The following INPP5A variants were observed in gnomAD, a reference collection of about 807,000 sequenced individuals.
INPP5A encodes 43 kDa inositol polyphosphate 5-phophatase.
In INPP5A, 14 loss-of-function variants were observed where a neutral mutation model predicts 65.2. The ratio of observed to expected loss-of-function variants is 0.21; its 90% CI spans 0.14 to 0.34. The LOEUF is 0.34. Among genes scored for constraint, INPP5A ranks in the 10% least tolerant of loss-of-function variants. INPP5A has a pLI of 1.00. For missense variants in INPP5A, 431 were observed against 545.6 expected (o/e 0.79, Z 2.09); for synonymous variants, 207 against 208.3 (o/e 0.99, Z 0.05).
intron 1 of INPP5A, among the ~76,000 whole-genome samples, chr10:132,561,338 C>T (rs932136609): frequency 3.3e-5 from 5 of 151,874 alleles, no homozygotes; most frequent in African/African-American, 1.2e-4. Flanking sequence ...AGTTTTAGCT[C>T]TTACATGTAG....
intron 1 of INPP5A, among the ~76,000 whole-genome samples, chr10:132,539,062 C>A (rs1026512833): frequency 6.6e-6 from 1 of 152,192 alleles, no homozygotes; most frequent in African/African-American, 2.4e-5. Flanking sequence ...TTGGCCCCTT[C>A]CTCCAACAAG....
rs1236604790 is a variant in INPP5A at position 132,775,414 on chromosome 10, G to GC, written c.978-2253dup. Reference sequence around the variant, plus strand: ...TCAGTCACTGCTGGGCAGCGTCCAGGCCCCGCGTCCTGCTGCTCTGCAGCG... The same window carrying GC: ...TCAGTCACTGCTGGGCAGCGTCCAGGCCCCCGCGTCCTGCTGCTCTGCAGCG... On this transcript the variant is annotated intron_variant, in intron 12 of 15. Transcript: ENST00000368594. 2.0e-5 allele frequency among the ~76,000 whole-genome samples: 3 copies of GC among 152,104 alleles called. No individual in the cohort carries two copies. In the East Asian group the frequency reaches 5.8e-4, roughly 29 times the overall value.
intron 11 of INPP5A, among the ~76,000 whole-genome samples, chr10:132,760,438 C>T (rs1210242625): frequency 6.6e-6 from 1 of 152,272 alleles, no homozygotes; most frequent in Non-Finnish European, 1.5e-5. Flanking sequence ...GAGCAGAGCC[C>T]TCATTGCAAG....
At chr10:132,748,849 C>T (rs1846419087) in intron 9 of INPP5A, among the ~76,000 whole-genome samples, 1 of 152,192 alleles carries the variant, frequency 6.6e-6, no homozygotes, top group Non-Finnish European at 1.5e-5. Context: ...GCACTGCTGC[C>T]CCAGCCCCTC....
intron 11 of INPP5A, among the ~76,000 whole-genome samples, chr10:132,761,872 G>A (rs879590215): frequency 2.8e-4 from 43 of 152,002 alleles, no homozygotes; most frequent in Admixed American, 1.2e-3. Context: ...CCAAATCATC[G>A]AATAATTGAT....
chr10:132,643,714 C>T (rs970812419), intron 2 of INPP5A, among the ~76,000 whole-genome samples: 2 of 152,118 alleles, frequency 1.3e-5, no homozygotes, highest in Non-Finnish European at 2.9e-5. Context: ...ATTCGAGGTG[C>T]TGTGACCAAG....
chr10:132,714,282 G>A (rs1206480917), intron 8 of INPP5A, among the ~76,000 whole-genome samples: 1 of 152,212 alleles, frequency 6.6e-6, no homozygotes, highest in Non-Finnish European at 1.5e-5. Context: ...CGCGGCGTGG[G>A]GCGGGCCGCG....
At chr10:132,649,312 G>T (rs886756388) in intron 3 of INPP5A, among the ~76,000 whole-genome samples, 1 of 152,180 alleles carries the variant, frequency 6.6e-6, no homozygotes, top group Non-Finnish European at 1.5e-5. Context: ...GTTCCCAGTT[G>T]CTTTCAGCTC....
intron 9 of INPP5A, among the ~76,000 whole-genome samples, chr10:132,749,007 C>T (rs1197891501): frequency 6.6e-6 from 1 of 152,252 alleles, no homozygotes; most frequent in Admixed American, 6.5e-5. Context: ...ACAAAGCAGG[C>T]GTGTGACCTC....
At chr10:132,641,824 G>T (rs533208240) in intron 2 of INPP5A, among the ~76,000 whole-genome samples, 2 of 152,330 alleles carry the variant, frequency 1.3e-5, no homozygotes, top group African/African-American at 4.8e-5. Context: ...TCGTCTGTTT[G>T]GGGTACCCAT....
chr10:132,562,658 T>C (rs1435706694), intron 1 of INPP5A, among the ~76,000 whole-genome samples: 1 of 152,162 alleles, frequency 6.6e-6, no homozygotes, highest in African/African-American at 2.4e-5. Flanking sequence ...TTTCTTGAGG[T>C]GGAGAAAGCC....
chr10:132,742,485 G>A (rs889692679), intron 9 of INPP5A, among the ~76,000 whole-genome samples: 10 of 151,948 alleles, frequency 6.6e-5, no homozygotes, highest in Admixed American at 5.9e-4. Flanking sequence ...CTCGCTGGCC[G>A]TTGGTCTCAG....
intron 2 of INPP5A, among the ~76,000 whole-genome samples, chr10:132,615,095 A>T (rs1328513037): frequency 6.6e-6 from 1 of 152,188 alleles, no homozygotes; most frequent in African/African-American, 2.4e-5. Flanking sequence ...CTGCACTCAG[A>T]TGGAGGGATG....
At chr10:132,602,922 A>G (rs149204134) in intron 1 of INPP5A, among the ~76,000 whole-genome samples, 51 of 152,312 alleles carry the variant, frequency 3.3e-4, no homozygotes, top group African/African-American at 1.1e-3. Flanking sequence ...TTCTACCACG[A>G]TGACAGCAAT....
At chr10:132,574,602 C>CT (rs199657086) in intron 1 of INPP5A, among the ~76,000 whole-genome samples, 1 of 140,260 alleles carries the variant, frequency 7.1e-6, no homozygotes, top group African/African-American at 2.7e-5. Flanking sequence ...GTGTTTTTCT[C>CT]TTTTTTTTCT....
At chr10:132,584,193 G>C (rs775353410) in intron 1 of INPP5A, among the ~76,000 whole-genome samples, 2 of 152,232 alleles carry the variant, frequency 1.3e-5, no homozygotes, top group Admixed American at 6.5e-5. Flanking sequence ...TGATGCCTTT[G>C]CCGGTTTTGG....
At position 132,741,031 on chromosome 10, in the gene INPP5A, C is replaced by T. The variant is rs533218506; in HGVS notation, c.733-8486C>T. On this transcript the variant is annotated intron_variant, in intron 9 of 15. Transcript: ENST00000368594. This position sits in a 1 kb window ranked among gnomAD's most constrained non-coding sequence, Gnocchi z 4.4. ...ATCATTGAGCCCAGGAATTCAAGAC[C>T]AGCCTGGGCAACATAGGGAGTCCCC... Among the ~76,000 whole-genome samples the T allele has an allele frequency of 6.6e-6, 1 of 152,248 alleles. No homozygotes were observed. The highest frequency in any genetic ancestry group is 1.9e-4 in the East Asian group (1 of 5,182).
chr10:132,579,258 G>A (rs1264790914), intron 1 of INPP5A, among the ~76,000 whole-genome samples: 2 of 152,120 alleles, frequency 1.3e-5, no homozygotes, highest in African/African-American at 2.4e-5. Flanking sequence ...ACCGCGGGGC[G>A]GGGTGGCGAG....
chr10:132,660,433 TA>T (rs2072720497), intron 4 of INPP5A, among the ~76,000 whole-genome samples: 1 of 152,148 alleles, frequency 6.6e-6, no homozygotes, highest in Non-Finnish European at 1.5e-5. Flanking sequence ...TACTAGCTTT[TA>T]AAAAACAAAA....
Sources: allele counts gnomAD v4.1 joint callset (sites outside exome capture counted in the v4.1 genomes callset), GRCh38; gene constraint gnomAD v4.1.1; non-coding constraint Gnocchi (gnomAD v3.1); transcripts MANE v1.5; gene names NCBI Gene and HGNC (gene_info 2026-07-23, HGNC 2026-07-21).